TCF7L1: variants seen among roughly 807,000 people sequenced by gnomAD.
TCF7L1 encodes transcription factor 7-like 1.
In TCF7L1, 18 loss-of-function variants were observed where a neutral mutation model predicts 63.7. The observed-to-expected ratio is 0.28, with a 90% CI of 0.20 to 0.42. The LOEUF (loss-of-function observed/expected upper bound fraction) is 0.42. Among genes scored for constraint, TCF7L1 ranks in the 10% least tolerant of loss-of-function variants. TCF7L1 has a pLI of 1.00. For missense variants in TCF7L1, 654 were observed against 779.3 expected (o/e 0.84, Z 1.91); for synonymous variants, 355 against 340.9 (o/e 1.04, Z -0.46).
chr2:85,215,735 C>A (rs1679685482), intron 3 of TCF7L1, among the ~76,000 whole-genome samples: 1 of 117,142 alleles, frequency 8.5e-6, no homozygotes, highest in Non-Finnish European at 1.6e-5. Flanking sequence ...GCTTACAATC[C>A]CTGGCAGAGC....
intron 3 of TCF7L1, among the ~76,000 whole-genome samples, chr2:85,150,540 G>C (rs1218140296): frequency 1.3e-5 from 2 of 151,274 alleles, no homozygotes; most frequent in African/African-American, 4.9e-5. Context: ...CCATGTTCTT[G>C]ACTCTTTAAA....
intron 3 of TCF7L1, among the ~76,000 whole-genome samples, chr2:85,260,653 A>AAAC (rs1056829052): frequency 1.3e-5 from 2 of 151,046 alleles, no homozygotes; most frequent in African/African-American, 4.9e-5. Flanking sequence ...CAAAAAAAAA[A>AAAC]AACAGACAAA....
intron 3 of TCF7L1, among the ~76,000 whole-genome samples, chr2:85,170,400 TA>T: frequency 1.3e-5 from 2 of 152,290 alleles, no homozygotes; most frequent in African/African-American, 4.8e-5. Context: ...AATTGAGATA[TA>T]AAAAAATTTA....
intron 3 of TCF7L1, among the ~76,000 whole-genome samples, chr2:85,227,583 AAGCTT>A (rs1045109395): frequency 2.6e-5 from 4 of 152,158 alleles, no homozygotes; most frequent in Admixed American, 6.5e-5. Context: ...TAAATTATAT[AAGCTT>A]AGCTTTAGTT....
intron 3 of TCF7L1, among the ~76,000 whole-genome samples, chr2:85,135,122 T>G (rs1401246299): frequency 6.6e-6 from 1 of 152,134 alleles, no homozygotes; most frequent in Non-Finnish European, 1.5e-5. Flanking sequence ...AATGGGCGCG[T>G]ATTGTGTGCT....
chr2:85,264,431 T>C (rs902251271), intron 3 of TCF7L1, among the ~76,000 whole-genome samples: 1 of 152,150 alleles, frequency 6.6e-6, no homozygotes, highest in Non-Finnish European at 1.5e-5. Context: ...AGTTGTCACC[T>C]GGTCAGTGAT....
At chr2:85,276,995 G>A (rs916446606) in intron 3 of TCF7L1, among the ~76,000 whole-genome samples, 11 of 152,192 alleles carry the variant, frequency 7.2e-5, no homozygotes, top group East Asian at 1.9e-4. Flanking sequence ...AGTAAAGGCC[G>A]TAGCAGGCCG....
intron 3 of TCF7L1, among the ~76,000 whole-genome samples, chr2:85,230,456 C>G (rs1680052112): frequency 6.6e-6 from 1 of 152,114 alleles, no homozygotes; most frequent in African/African-American, 2.4e-5. Flanking sequence ...GCCTCAGCCT[C>G]CCAAGTAGCT....
At chr2:85,274,098 C>T (rs754875582) in intron 3 of TCF7L1, among the ~76,000 whole-genome samples, 14 of 152,116 alleles carry the variant, frequency 9.2e-5, no homozygotes, top group Non-Finnish European at 1.0e-4. Context: ...CAGGGTTCAC[C>T]TCAGGGAAAG....
chr2:85,160,042 A>G (rs934076033), intron 3 of TCF7L1, among the ~76,000 whole-genome samples: 1 of 152,100 alleles, frequency 6.6e-6, no homozygotes, highest in African/African-American at 2.4e-5. Flanking sequence ...ACTCTACCTA[A>G]AGGCTTTTTT....
intron 3 of TCF7L1, among the ~76,000 whole-genome samples, chr2:85,139,512 AT>A (rs1677669717): frequency 6.6e-6 from 1 of 152,210 alleles, no homozygotes; most frequent in Non-Finnish European, 1.5e-5. Context: ...CTGGAGAAGC[AT>A]TTTCATAATA....
intron 4 of TCF7L1, among the ~76,000 whole-genome samples, chr2:85,288,546 T>A (rs1681615017): frequency 6.6e-6 from 1 of 152,112 alleles, no homozygotes; most frequent in Non-Finnish European, 1.5e-5. Context: ...GTAAAATATT[T>A]AAGGTGAGGT....
At chr2:85,233,557 G>A (rs1261093670) in intron 3 of TCF7L1, among the ~76,000 whole-genome samples, 1 of 151,304 alleles carries the variant, frequency 6.6e-6, no homozygotes, top group Non-Finnish European at 1.5e-5. Flanking sequence ...CTCGTGATCT[G>A]CCCGCCTCAG....
intron 3 of TCF7L1, among the ~76,000 whole-genome samples, chr2:85,152,425 T>C (rs2104206970): frequency 6.9e-6 from 1 of 143,974 alleles, no homozygotes; most frequent in South Asian, 2.2e-4. Context: ...GGATATACCA[T>C]TCTCTCTCTC....
rs568572185 is a variant in TCF7L1 at position 85,273,342 on chromosome 2, A to T, written c.442-10153A>T. ...TCGTCCTCCCCCATCCCCGCCATCC[A>T]GCAGATTATGTGCCCCACTTCCTCT... On this transcript the variant is annotated intron_variant, in intron 3 of 11. Transcript: ENST00000282111. 2.0e-5 allele frequency among the ~76,000 whole-genome samples: 3 copies of T among 152,334 alleles called. No individual in the cohort carries two copies. The East Asian group carries it at 5.8e-4, about 29-fold the overall frequency.
chr2:85,259,126 C>T (rs1205253491), intron 3 of TCF7L1, among the ~76,000 whole-genome samples: 1 of 152,186 alleles, frequency 6.6e-6, no homozygotes. Context: ...ATTCTGTCCC[C>T]CACAGCACCA....
chr2:85,185,704 G>A (rs577496950), intron 3 of TCF7L1, among the ~76,000 whole-genome samples: 5 of 152,158 alleles, frequency 3.3e-5, no homozygotes, highest in Non-Finnish European at 7.4e-5. Flanking sequence ...TGCTGAGGTT[G>A]TGGCAGTCCC....
chr2:85,195,276 A>G (rs1167598044), intron 3 of TCF7L1, among the ~76,000 whole-genome samples: 1 of 152,226 alleles, frequency 6.6e-6, no homozygotes, highest in Non-Finnish European at 1.5e-5. Context: ...CACCTGGCAC[A>G]GTCAGTGCTC....
chr2:85,210,252 A>C (rs1275773622), intron 3 of TCF7L1, among the ~76,000 whole-genome samples: 1 of 152,058 alleles, frequency 6.6e-6, no homozygotes, highest in Non-Finnish European at 1.5e-5. Context: ...CCTTCCCCAC[A>C]CACATGGGCA....
Sources: allele counts gnomAD v4.1 joint callset (sites outside exome capture counted in the v4.1 genomes callset), GRCh38; gene constraint gnomAD v4.1.1; transcripts MANE v1.5; gene names NCBI Gene and HGNC (gene_info 2026-07-23, HGNC 2026-07-21).